The following GNAQ variants were observed in gnomAD, a reference collection of about 807,000 sequenced individuals.
GNAQ encodes the protein G protein subunit alpha q.
Under a neutral mutation model 43.9 loss-of-function variants are expected in GNAQ, and 8 were observed. That is an observed-to-expected ratio of 0.18 (90% CI 0.11 to 0.33). The LOEUF is 0.33. GNAQ is among the 10% of genes least tolerant of loss of function. GNAQ has a pLI of 1.00. For synonymous variants in GNAQ, 155 were observed against 170.7 expected, an observed-to-expected ratio of 0.91 and a Z score of 0.71; for missense variants, 158 against 450.8, an observed-to-expected ratio of 0.35 and a Z score of 5.88.
At chr9:77,919,396 C>G (rs1388263108) in intron 2 of GNAQ, among the ~76,000 whole-genome samples, 2 of 152,080 alleles carry the variant, frequency 1.3e-5, no homozygotes, top group African/African-American at 4.8e-5. Context: ...ATAATCAATA[C>G]AAGCTAGGCA....
chr9:77,738,940 T>TA (rs1237201930), intron 5 of GNAQ, among the ~76,000 whole-genome samples: 1 of 152,150 alleles, frequency 6.6e-6, no homozygotes, highest in African/African-American at 2.4e-5. Context: ...GTGAAATACT[T>TA]AGTTTTTTTG....
intron 5 of GNAQ, among the ~76,000 whole-genome samples, chr9:77,768,994 C>G (rs1266575132): frequency 6.6e-6 from 1 of 152,132 alleles, no homozygotes; most frequent in African/African-American, 2.4e-5. Context: ...GATATGCAGA[C>G]ACCAATAAAA....
intron 2 of GNAQ, among the ~76,000 whole-genome samples, chr9:77,870,470 C>T (rs967745340): frequency 6.6e-5 from 10 of 151,756 alleles, no homozygotes; most frequent in African/African-American, 2.4e-4. Context: ...GGACTACAGG[C>T]GCCTGCCAAG....
chr9:77,985,132 A>G (rs942275443), intron 1 of GNAQ, among the ~76,000 whole-genome samples: 7 of 152,108 alleles, frequency 4.6e-5, no homozygotes, highest in Admixed American at 2.0e-4. Context: ...AACATGGTGA[A>G]ACTCCGTCTC....
intron 2 of GNAQ, among the ~76,000 whole-genome samples, chr9:77,879,239 A>G (rs1191308743): frequency 6.6e-6 from 1 of 152,152 alleles, no homozygotes. Context: ...AATTGTTCTT[A>G]CTGGATGCTG....
chr9:77,738,122 G>C (rs1825600416), intron 5 of GNAQ, among the ~76,000 whole-genome samples: 1 of 152,148 alleles, frequency 6.6e-6, no homozygotes, highest in Non-Finnish European at 1.5e-5. Flanking sequence ...TGGTGGTGTG[G>C]TCATTTTAAA....
At chr9:77,784,750 A>C (rs1385046976) in intron 5 of GNAQ, among the ~76,000 whole-genome samples, 3 of 152,218 alleles carry the variant, frequency 2.0e-5, no homozygotes, top group Non-Finnish European at 4.4e-5. Context: ...TGATTTATAA[A>C]GAATTCCTCT....
At chr9:78,011,897 A>G (rs1045875783) in intron 1 of GNAQ, among the ~76,000 whole-genome samples, 3 of 152,214 alleles carry the variant, frequency 2.0e-5, no homozygotes, top group East Asian at 1.9e-4. Context: ...AAAAAATTCA[A>G]TGATAAAATA....
intron 2 of GNAQ, among the ~76,000 whole-genome samples, chr9:77,843,585 C>T (rs1173625938): frequency 6.6e-6 from 1 of 152,134 alleles, no homozygotes; most frequent in African/African-American, 2.4e-5. Flanking sequence ...GATGCTGACC[C>T]CTTGGATAGA....
intron 2 of GNAQ, among the ~76,000 whole-genome samples, chr9:77,862,032 G>C (rs1827863527): frequency 7.4e-6 from 1 of 135,464 alleles, no homozygotes; most frequent in African/African-American, 2.7e-5. Context: ...AAAAAAAAAA[G>C]AGGTGGACTC....
At chr9:77,909,269 A>C (rs990569133) in intron 2 of GNAQ, among the ~76,000 whole-genome samples, 1 of 152,244 alleles carries the variant, frequency 6.6e-6, no homozygotes, top group African/African-American at 2.4e-5. Flanking sequence ...CTTTGACTGC[A>C]GTGTTCCATT....
At chr9:77,982,809 G>T (rs932646263) in intron 1 of GNAQ, among the ~76,000 whole-genome samples, 1 of 151,276 alleles carries the variant, frequency 6.6e-6, no homozygotes, top group African/African-American at 2.4e-5. Context: ...AGTGGGGAGA[G>T]GGGGGAGGGA....
rs547378008 is a variant in GNAQ, at chr9:77,736,614, C to G, written c.736-7947G>C. On this transcript the variant is annotated intron_variant, in intron 5 of 6. Transcript: ENST00000286548. ...TACCTCCAGGTCTAAGGTTACTAAG[C>G]AATAAGTCGCGGTCACATGTCAGGC... 3.6e-4 allele frequency among the ~76,000 whole-genome samples: 55 copies of G among 152,188 alleles called. 1 individual carries two copies. Among genetic ancestry groups the G allele is most frequent in the African/African-American group, 1.3e-3 (54 of 41,518 alleles).
chr9:77,753,713 T>G (rs547014326), intron 5 of GNAQ, among the ~76,000 whole-genome samples: 38 of 152,322 alleles, frequency 2.5e-4, no homozygotes, highest in African/African-American at 9.1e-4. Context: ...CTCGAAATAC[T>G]AATTTGGTAT....
At chr9:77,786,672 C>G (rs964921941) in intron 5 of GNAQ, among the ~76,000 whole-genome samples, 1 of 152,124 alleles carries the variant, frequency 6.6e-6, no homozygotes, top group African/African-American at 2.4e-5. Flanking sequence ...ATGGAACAGA[C>G]GGATAATGCC....
chr9:77,840,509 G>C (rs1227949155), intron 2 of GNAQ, among the ~76,000 whole-genome samples: 1 of 151,950 alleles, frequency 6.6e-6, no homozygotes, highest in Non-Finnish European at 1.5e-5. Flanking sequence ...GCTAACTTTT[G>C]TATTTTTAGT....
At chr9:78,027,595 A>G (rs1282455121) in intron 1 of GNAQ, among the ~76,000 whole-genome samples, 1 of 151,464 alleles carries the variant, frequency 6.6e-6, no homozygotes, top group Non-Finnish European at 1.5e-5. Flanking sequence ...TACTAAATGC[A>G]AAAAAAATAG....
At chr9:77,762,203 T>C (rs1179972060) in intron 5 of GNAQ, among the ~76,000 whole-genome samples, 5 of 123,708 alleles carry the variant, frequency 4.0e-5, no homozygotes, top group African/African-American at 1.5e-4. Context: ...TACTGGGAAG[T>C]GAGGAGCCCC....
At chr9:77,928,596 A>G (rs1366890446) in intron 1 of GNAQ, among the ~76,000 whole-genome samples, 2 of 152,214 alleles carry the variant, frequency 1.3e-5, no homozygotes, top group African/African-American at 4.8e-5. Context: ...TGATCATACA[A>G]GGTTATTCAA....
Sources: gnomAD v4.1 joint callset for allele counts (sites outside exome capture counted in the v4.1 genomes callset) on GRCh38, gnomAD v4.1.1 for gene constraint, MANE v1.5 for transcripts, NCBI Gene and HGNC (gene_info 2026-07-23, HGNC 2026-07-21) for gene names.